The following LYSMD3 variants were observed in gnomAD, a reference collection of about 807,000 sequenced individuals.
The protein encoded by LYSMD3 is lysM and putative peptidoglycan-binding domain-containing protein 3.
A neutral mutation model predicts 26.1 loss-of-function variants in LYSMD3; 13 were observed. That is an observed-to-expected ratio of 0.50 (90% CI 0.32 to 0.79). The LOEUF (loss-of-function observed/expected upper bound fraction) is 0.79, where lower values mean the gene tolerates loss of function less well. Ranked by LOEUF, LYSMD3 falls within the 30% of genes least tolerant of loss-of-function variation. LYSMD3 has a pLI of 0.03. For missense variants in LYSMD3, 331 were observed against 362.5 expected, an observed-to-expected ratio of 0.91 and a Z score of 0.71; for synonymous variants, 109 against 119.4, an observed-to-expected ratio of 0.91 and a Z score of 0.57.
At chr5:90,521,807 C>A (rs1389023912) in intron 2 of LYSMD3, among the ~76,000 whole-genome samples, 1 of 151,996 alleles carries the variant, frequency 6.6e-6, no homozygotes, top group African/African-American at 2.4e-5. Flanking sequence ...CAACCTTGGA[C>A]TTTTTATTCT....
At chr5:90,525,382 A>C in intron 1 of LYSMD3, 82 bp from the exon 2 acceptor site, 1 of 1,298,326 alleles carries the variant, frequency 7.7e-7, no homozygotes, top group Non-Finnish European at 1.1e-6. Flanking sequence ...CATTCAGGAC[A>C]CAATCTTTTG....
intron 2 of LYSMD3, among the ~76,000 whole-genome samples, chr5:90,521,875 T>G (rs941560989): frequency 6.6e-6 from 1 of 152,138 alleles, no homozygotes; most frequent in African/African-American, 2.4e-5. Flanking sequence ...TATTTCTAAG[T>G]GGAATATACC....
At chr5:90,520,486 A>G in intron 2 of LYSMD3, 1 of 435,800 alleles carries the variant, frequency 2.3e-6, no homozygotes, top group Non-Finnish European at 4.7e-6. Context: ...AAGAGGCTAA[A>G]TGCAGATTTT....
At chr5:90,523,088 T>C (rs1430925860) in intron 2 of LYSMD3, among the ~76,000 whole-genome samples, 1 of 152,136 alleles carries the variant, frequency 6.6e-6, no homozygotes, top group Non-Finnish European at 1.5e-5. Context: ...TTCTATGACA[T>C]ATTCTGTAAT....
chr5:90,524,500 A>G (rs964436221), intron 2 of LYSMD3, among the ~76,000 whole-genome samples: 2 of 152,258 alleles, frequency 1.3e-5, no homozygotes, highest in African/African-American at 2.4e-5. Context: ...GTGTTTTTCA[A>G]TACTGAAATT....
chr5:90,519,274 A>C lies in LYSMD3; in HGVS notation c.466T>G (p.Ser156Ala), dbSNP rs1561265834. Residue 156 changes from serine (S) to alanine (A), a missense_variant, in exon 3 of 3, where the codon TCA becomes GCA. By Grantham distance (99) the Ser-to-Ala change is moderately conservative. Transcript: ENST00000315948. The part of the protein sequence containing the change: ...PANDSLAYSD[S>A]AGSFLKEVDR... ...ACTTCTTTTAAAAAGCTACCAGCTG[A>C]GTCACTGTAAGCAAGAGAATCATTA... is the stretch of plus-strand genomic sequence containing the variant. The C allele has an allele frequency of 1.9e-6, 3 of 1,614,016 alleles. No individual in the cohort carries two copies. Among genetic ancestry groups the C allele is most frequent in the Non-Finnish European group, 2.5e-6 (3 of 1,179,984 alleles).
In LYSMD3 at chr5:90,518,705, CA is replaced by C; in HGVS notation, c.*113del. ...AAGTGTGAAACCCTTTTGTTAAAAACAAAAGCATCCTCAATCTCTCTAAATT... is the reference window on the plus strand; with the variant it reads ...AAGTGTGAAACCCTTTTGTTAAAAACAAAGCATCCTCAATCTCTCTAAATT... On this transcript the variant is annotated 3_prime_UTR_variant, in exon 3 of 3. Transcript: ENST00000315948. 1 of 1,128,958 alleles carries C rather than the reference CA, an allele frequency of 8.9e-7. No homozygotes were observed. The highest frequency in any genetic ancestry group is 1.2e-6 in the Non-Finnish European group (1 of 804,300). The allele number at this position is 1,128,958 out of a possible 1,614,324, so 69.9% of individuals were successfully genotyped here. A position where few individuals can be genotyped will look rare whatever the true frequency, so the allele number is the denominator to read the frequency against.
rs1561266088 is a variant in LYSMD3 at position 90,519,497 on chromosome 5, A to G, written c.256-13T>C. Reference sequence around the variant, plus strand: ...TGATATCTGCTACCTGTGGGGGGGAAAAAAAAGCAACATACAACTGAATTC... The same window carrying G: ...TGATATCTGCTACCTGTGGGGGGGAGAAAAAAGCAACATACAACTGAATTC... On this transcript the variant is annotated splice_polypyrimidine_tract_variant and intron_variant, in intron 2 of 2. Transcript: ENST00000315948. 2 of 1,586,338 alleles carry G rather than the reference A, an allele frequency of 1.3e-6. No individual in the cohort carries two copies. The highest frequency in any genetic ancestry group is 1.1e-5 in the South Asian group (1 of 87,728).
chr5:90,518,946 G>A lies in LYSMD3; in HGVS notation c.794C>T (p.Pro265Leu), dbSNP rs188466975. The A allele has an allele frequency of 1.1e-4, 180 of 1,613,906 alleles. No homozygotes were observed. In the East Asian group the frequency reaches 3.0e-3, roughly 27 times the overall value. ...DSSHLHSKITPPSQQREMENG... is the reference protein window; with the variant it reads ...DSSHLHSKITLPSQQREMENG... ...TTCCATTTCTCTCTGCTGTGATGGG[G>A]GTGTGATTTTTGAATGTAAATGTGA... The change falls in exon 3 of 3, where the codon CCC (proline) becomes CTC (leucine). Residue 265 changes from proline to leucine, a missense_variant. Around this residue, in one of 3 missense-constraint regions of LYSMD3, gnomAD observed 61 missense variants for 66.8 expected, o/e 0.91. Transcript: ENST00000315948.
At position 90,516,203 on chromosome 5, in the gene LYSMD3, C is replaced by A. The variant is rs1171287588; in HGVS notation, c.*2616G>T. 3.3e-5 allele frequency: 5 copies of A among 152,094 alleles called. No individual in the cohort carries two copies. In the South Asian group the frequency reaches 1.0e-3, roughly 32 times the overall value. 9.4% of individuals were successfully genotyped at this position (152,094 alleles called of 1,614,324 possible). A position where few individuals can be genotyped will look rare whatever the true frequency, so the allele number is the denominator to read the frequency against. ...TGAGTCTTCTAATTTTTAATGTGGC[C>A]AGCAGAGTGTGTAACCATTTTTAAC... On this transcript the variant is annotated 3_prime_UTR_variant, in exon 3 of 3. Transcript: ENST00000315948.
In LYSMD3 at chr5:90,518,756, A is replaced by G; in HGVS notation, c.*63T>C. 7.0e-7 allele frequency: 1 copy of G among 1,428,922 alleles called. No homozygotes were observed. Among genetic ancestry groups the G allele is most frequent in the Non-Finnish European group, 9.6e-7 (1 of 1,045,708 alleles). 88.5% of individuals were successfully genotyped at this position (1,428,922 alleles called of 1,614,324 possible). A position where few individuals can be genotyped will look rare whatever the true frequency, so the allele number is the denominator to read the frequency against. Reference sequence around the variant, plus strand: ...TCTGCCTTTGAAGCTATTATTGGATATAACTGATTCACCACATTCCAGATG... The same window carrying G: ...TCTGCCTTTGAAGCTATTATTGGATGTAACTGATTCACCACATTCCAGATG... On this transcript the variant is annotated 3_prime_UTR_variant, in exon 3 of 3. Coordinates refer to ENST00000315948, the MANE Select transcript of LYSMD3 (RefSeq NM_198273.2).
At chr5:90,529,267 T>A (rs773662271) in intron 1 of LYSMD3, 181 bp downstream of exon 1, 3 of 377,780 alleles carry the variant, frequency 7.9e-6, no homozygotes, top group Non-Finnish European at 1.6e-5. Context: ...CAAGAGGGCC[T>A]GGCAGGGCTG....
intron 1 of LYSMD3, chr5:90,529,241 T>G: frequency 2.8e-6 from 1 of 361,170 alleles, no homozygotes; most frequent in Non-Finnish European, 5.5e-6. Context: ...GAGCCTCAGT[T>G]TCCCCGACAG....
chr5:90,515,678 T>C lies in LYSMD3; in HGVS notation c.*3141A>G, dbSNP rs908316370. The C allele has an allele frequency of 2.6e-5, 4 of 152,162 alleles. No individual in the cohort carries two copies. Among genetic ancestry groups the C allele is most frequent in the African/African-American group, 7.2e-5 (3 of 41,450 alleles). The allele number at this position is 152,162 out of a possible 1,614,324, so 9.4% of individuals were successfully genotyped here. A position where few individuals can be genotyped will look rare whatever the true frequency, so the allele number is the denominator to read the frequency against. On this transcript the variant is annotated 3_prime_UTR_variant, in exon 3 of 3. Transcript: ENST00000315948. ...TACATGTTGGAGATCTTTCAAAATA[T>C]GAAAAATAAGGGGCAAAAAATTTTA...
In LYSMD3 at chr5:90,517,331, AT is replaced by A. The variant is rs1296754599; in HGVS notation, c.*1487del. 2 of 152,050 alleles carry A rather than the reference AT, an allele frequency of 1.3e-5. No homozygotes were observed. The allele number at this position is 152,050 out of a possible 1,614,324, so 9.4% of individuals were successfully genotyped here. ...AAATTTGAAATATATAAAATGACTT[AT>A]CAAAAGCCTGAAACATCAACAATTA... is the stretch of plus-strand genomic sequence containing the variant. On this transcript the variant is annotated 3_prime_UTR_variant, in exon 3 of 3. Transcript: ENST00000315948.
In LYSMD3 at chr5:90,519,180, G is replaced by A. The variant is rs781190639; in HGVS notation, c.560C>T (p.Ser187Leu). Residue 187 changes from serine to leucine, a missense_variant, in exon 3 of 3, where the codon TCG becomes TTG. Physicochemically the swap from Ser to Leu is moderately radical, Grantham distance 145. Around this residue, in one of 3 missense-constraint regions of LYSMD3, gnomAD observed 262 missense variants for 267.3 expected, o/e 0.98. Coordinates refer to ENST00000315948, the MANE Select transcript of LYSMD3 (RefSeq NM_198273.2). ...NKRENLNEVVSALTAQQMRFE... is the reference protein window; with the variant it reads ...NKRENLNEVVLALTAQQMRFE... ...ACGCATTTGTTGTGCTGTTAAGGCC[G>A]ATACTACCTCATTGAGGTTCTCTCT... 13 of 1,613,816 alleles carry A rather than the reference G, an allele frequency of 8.1e-6. No homozygotes were observed. The highest frequency in any genetic ancestry group is 1.6e-4 in the Middle Eastern group (1 of 6,084).
Position 90,518,787 on chromosome 5 carries a change from G to GTAACC in LYSMD3, c.*31_*32insGGTTA, listed in dbSNP as rs1554042119. 4.5e-6 allele frequency: 7 copies of GTAACC among 1,568,588 alleles called. No homozygotes were observed. The highest frequency in any genetic ancestry group is 6.1e-6 in the Non-Finnish European group (7 of 1,151,896). ...GATTCACCACATTCCAGATGCACATGTGACCACTAACATTTGATTATGAGC... is the reference window on the plus strand; with the variant it reads ...GATTCACCACATTCCAGATGCACATGTAACCTGACCACTAACATTTGATTATGAGC... On this transcript the variant is annotated 3_prime_UTR_variant, in exon 3 of 3. Transcript: ENST00000315948.
Position 90,517,700 on chromosome 5 carries a change from G to A in LYSMD3, c.*1119C>T, listed in dbSNP as rs1752982433. The A allele has an allele frequency of 6.6e-6, 1 of 151,938 alleles. No homozygotes were observed. Among genetic ancestry groups the A allele is most frequent in the Non-Finnish European group, 1.5e-5 (1 of 67,868 alleles). 9.4% of individuals were successfully genotyped at this position (151,938 alleles called of 1,614,324 possible). A position where few individuals can be genotyped will look rare whatever the true frequency, so the allele number is the denominator to read the frequency against. On this transcript the variant is annotated 3_prime_UTR_variant, in exon 3 of 3. Transcript: ENST00000315948. ...TTCTCTTTGAAAAACAGAGGTTAAGGGATTACTAAATAATTTGTCTGTTAC... is the reference window on the plus strand; with the variant it reads ...TTCTCTTTGAAAAACAGAGGTTAAGAGATTACTAAATAATTTGTCTGTTAC...
At chr5:90,527,372 G>T (rs1468144549) in intron 1 of LYSMD3, among the ~76,000 whole-genome samples, 1 of 151,160 alleles carries the variant, frequency 6.6e-6, no homozygotes, top group Non-Finnish European at 1.5e-5. Context: ...GATGTGCTTA[G>T]GTACCCTGAA....
Sources: allele counts gnomAD v4.1 joint callset (sites outside exome capture counted in the v4.1 genomes callset), GRCh38; gene constraint gnomAD v4.1.1; regional missense constraint gnomAD v4.1.1; transcripts MANE v1.5; gene names NCBI Gene and HGNC (gene_info 2026-07-23, HGNC 2026-07-21).